IL36A: variants seen among roughly 807,000 people sequenced by gnomAD.
The protein encoded by IL36A is interleukin-36 alpha.
IL36A carries 13 observed loss-of-function variants against 12.7 expected under a neutral mutation model. That is an observed-to-expected ratio of 1.02 (90% CI 0.67 to 1.63). The LOEUF is 1.63. Ranked by LOEUF, IL36A falls within the 40% of genes most tolerant of loss-of-function variation. The pLI, the probability that IL36A is intolerant of heterozygous loss-of-function variation, is 0.00. For missense variants in IL36A, 195 were observed against 192.9 expected, an observed-to-expected ratio of 1.01 and a Z score of -0.07; for synonymous variants, 73 against 71.9, an observed-to-expected ratio of 1.01 and a Z score of -0.08.
chr2:113,008,101 G>T, downstream of IL36A: 1 of 1,400,456 alleles, frequency 7.1e-7, no homozygotes, highest in South Asian at 1.2e-5. Context: ...TATAATCTTA[G>T]CCTGGAATGG....
At position 113,006,026 on chromosome 2, in the gene IL36A, G is replaced by C. The variant is rs1439553575; in HGVS notation, c.63G>C (p.Arg21=). 2 of 1,614,122 alleles carry C rather than the reference G, an allele frequency of 1.2e-6. No individual in the cohort carries two copies. The highest frequency in any genetic ancestry group is 3.3e-5 in the Admixed American group (2 of 60,028). Residue 21 remains arginine (R), a synonymous_variant, in exon 2 of 4, where the codon CGG becomes CGC. Coordinates refer to ENST00000259211, the MANE Select transcript of IL36A (RefSeq NM_014440.3). ...QQGSIQDINH[R]VWVLQDQTLI... is the part of the protein sequence containing the mutation. ...GGAGCATTCAGGATATCAATCATCG[G>C]GTGTGGGTTCTTCAGGACCAGACGC...
intron 2 of IL36A, 91 bp from the exon 3 acceptor site, chr2:113,006,507 G>A: frequency 2.8e-6 from 4 of 1,417,814 alleles, no homozygotes; most frequent in East Asian, 2.3e-5. Flanking sequence ...TGCACTGTGA[G>A]TGTCAGTTAG....
Position 113,005,809 on chromosome 2 carries a change from T to C in IL36A, c.-63T>C. Reference sequence around the variant, plus strand: ...GCTTGGGACTGACTCAGGTCCTCTCTTGGGGTCGGTCTGCACATAAAAGGA... The same window carrying C: ...GCTTGGGACTGACTCAGGTCCTCTCCTGGGGTCGGTCTGCACATAAAAGGA... On this transcript the variant is annotated 5_prime_UTR_variant, in exon 1 of 4. Coordinates refer to ENST00000259211, the MANE Select transcript of IL36A (RefSeq NM_014440.3). 1.3e-6 allele frequency: 2 copies of C among 1,597,078 alleles called. No individual in the cohort carries two copies. The highest frequency in any genetic ancestry group is 1.7e-6 in the Non-Finnish European group (2 of 1,164,476).
At chr2:113,006,490 C>T (rs567681975) in intron 2 of IL36A, 108 bp from the exon 3 acceptor site, 1 of 1,248,348 alleles carries the variant, frequency 8.0e-7, no homozygotes, top group Non-Finnish European at 1.2e-6. Context: ...GGTGACCATT[C>T]TATGAGTGCA....
chr2:113,005,800 G>C lies in IL36A; in HGVS notation c.-72G>C. On this transcript the variant is annotated 5_prime_UTR_variant, in exon 1 of 4. Coordinates refer to ENST00000259211, the MANE Select transcript of IL36A (RefSeq NM_014440.3). ...TAAACTGTGGCTTGGGACTGACTCA[G>C]GTCCTCTCTTGGGGTCGGTCTGCAC... The C allele has an allele frequency of 6.4e-7, 1 of 1,559,924 alleles. No homozygotes were observed. Among genetic ancestry groups the C allele is most frequent in the Non-Finnish European group, 8.8e-7 (1 of 1,130,686 alleles).
chr2:113,007,077 T>C (rs1220521311), intron 3 of IL36A, among the ~76,000 whole-genome samples: 1 of 152,174 alleles, frequency 6.6e-6, no homozygotes, highest in African/African-American at 2.4e-5. Flanking sequence ...AAAAAATACA[T>C]TGCAACTTTA....
intron 3 of IL36A, among the ~76,000 whole-genome samples, chr2:113,007,446 T>C (rs1229634311): frequency 6.6e-6 from 1 of 152,214 alleles, no homozygotes; most frequent in East Asian, 1.9e-4. Context: ...AAAATGTCAA[T>C]AGTGCTGAAG....
downstream of IL36A, chr2:113,008,392 G>A (rs1573356219): frequency 1.1e-5 from 2 of 181,616 alleles, no homozygotes; most frequent in East Asian, 2.6e-4. Context: ...ACGGAGTCTC[G>A]CTCTGTCGCC....
chr2:113,005,817 G>T lies in IL36A; in HGVS notation c.-55G>T, dbSNP rs201497922. 6.2e-7 allele frequency: 1 copy of T among 1,606,298 alleles called. No homozygotes were observed. Among genetic ancestry groups the T allele is most frequent in the Non-Finnish European group, 8.5e-7 (1 of 1,172,972 alleles). ...CTGACTCAGGTCCTCTCTTGGGGTC[G>T]GTCTGCACATAAAAGGACTCCTATC... is the stretch of plus-strand genomic sequence containing the variant. On this transcript the variant is annotated 5_prime_UTR_variant, in exon 1 of 4. Transcript: ENST00000259211.
chr2:113,007,554 T>C (rs1441339709), intron 3 of IL36A, among the ~76,000 whole-genome samples: 1 of 152,238 alleles, frequency 6.6e-6, no homozygotes, highest in African/African-American at 2.4e-5. Flanking sequence ...CAACAAATAA[T>C]GGCCCAATCA....
intron 1 of IL36A, 35 bp downstream of exon 1, chr2:113,005,916 A>AG: frequency 1.9e-6 from 3 of 1,613,666 alleles, no homozygotes; most frequent in Non-Finnish European, 2.5e-6. Flanking sequence ...AAAATTGACA[A>AG]GGGGGTGATA....
In IL36A at chr2:113,005,863, A is replaced by T. The variant is rs1684603642; in HGVS notation, c.-9A>T. 1 of 1,614,066 alleles carries T rather than the reference A, an allele frequency of 6.2e-7. No homozygotes were observed. Among genetic ancestry groups the T allele is most frequent in the South Asian group, 1.1e-5 (1 of 91,072 alleles). On this transcript the variant is annotated 5_prime_UTR_variant, in exon 1 of 4. Transcript: ENST00000259211. ...CTATCCTTGGCAGTTCTGAAACAAC[A>T]CCACCACAATGGAAAAAGGTAAAGA...
chr2:113,006,667 T>G lies in IL36A; in HGVS notation c.194T>G (p.Leu65Arg). 6.2e-7 allele frequency: 1 copy of G among 1,614,164 alleles called. No homozygotes were observed. Residue 65 changes from leucine to arginine, a missense_variant, in exon 3 of 4, where the codon CTG (leucine) becomes CGG (arginine). Transcript: ENST00000259211. ...AAAGACAGAGGGAACCCCATCTACC[T>G]GGGCCTGAATGGACTCAATCTCTGC... ...LEKDRGNPIY[L>R]GLNGLNLCLM...
chr2:113,007,719 G>T, intron 3 of IL36A, 113 bp from the exon 4 acceptor site: 1 of 798,764 alleles, frequency 1.3e-6, no homozygotes, highest in Non-Finnish European at 2.2e-6. Flanking sequence ...AGGTCTCCAA[G>T]CTGCTTCAAT....
At chr2:113,007,154 A>G (rs1451673850) in intron 3 of IL36A, among the ~76,000 whole-genome samples, 3 of 152,236 alleles carry the variant, frequency 2.0e-5, no homozygotes, top group Admixed American at 6.5e-5. Flanking sequence ...TTAAAAAAAG[A>G]TAATTATAGC....
At chr2:113,008,930 A>G (rs1684687508), downstream of IL36A, among the ~76,000 whole-genome samples, 1 of 149,838 alleles carries the variant, frequency 6.7e-6, no homozygotes, top group African/African-American at 2.5e-5. Context: ...TTAACTCGTC[A>G]TTTAGCATTA....
downstream of IL36A, chr2:113,008,133 A>G (rs1684665838): frequency 1.9e-6 from 2 of 1,070,106 alleles, no homozygotes; most frequent in African/African-American, 3.1e-5. Flanking sequence ...TTGTTATTGG[A>G]CTTTCCACCT....
chr2:113,008,083 A>C, downstream of IL36A: 1 of 1,528,234 alleles, frequency 6.5e-7, no homozygotes, highest in South Asian at 1.1e-5. Context: ...ATGCAGGGAA[A>C]ATCTTAGTAT....
At chr2:113,008,175 T>C (rs1246192378), downstream of IL36A, 2 of 751,974 alleles carry the variant, frequency 2.7e-6, no homozygotes, top group Non-Finnish European at 4.5e-6. Flanking sequence ...AATATATTCA[T>C]GCAGTGACCT....
Sources: allele counts gnomAD v4.1 joint callset (sites outside exome capture counted in the v4.1 genomes callset), GRCh38; gene constraint gnomAD v4.1.1; transcripts MANE v1.5; gene names NCBI Gene and HGNC (gene_info 2026-07-23, HGNC 2026-07-21).